The following B3GALT1 variants were observed in gnomAD, a reference collection of about 807,000 sequenced individuals.
B3GALT1 encodes beta-1,3-galactosyltransferase 1, also known as UDP-Gal:betaGlcNAc beta 1,3-galactosyltransferase, polypeptide 1.
In B3GALT1, 10 loss-of-function variants were observed where a neutral mutation model predicts 23.2. That is an observed-to-expected ratio of 0.43 (90% confidence interval 0.27 to 0.73). B3GALT1 has a LOEUF of 0.73. Among genes scored for constraint, B3GALT1 ranks in the 30% least tolerant of loss-of-function variants. The probability of loss-of-function intolerance (pLI) is 0.21; values close to 1 mark genes in which losing one functional copy is unlikely to be tolerated. For synonymous variants in B3GALT1, 156 were observed against 141.5 expected (o/e 1.10, Z -0.73); for missense variants, 299 against 405.4 (o/e 0.74, Z 2.25).
intron 3 of B3GALT1, among the ~76,000 whole-genome samples, chr2:167,676,516 T>TACACACACACACACACAC (rs34764364): frequency 6.9e-6 from 1 of 145,080 alleles, no homozygotes; most frequent in Admixed American, 6.9e-5. Flanking sequence ...TGTATGTTTA[T>TACACACACACACACACAC]ACACACACAC....
intron 1 of B3GALT1, among the ~76,000 whole-genome samples, chr2:167,415,091 G>T (rs1381634155): frequency 6.6e-6 from 1 of 152,186 alleles, no homozygotes; most frequent in Non-Finnish European, 1.5e-5. Flanking sequence ...CTCAGAGTGT[G>T]CTATGATTTG....
At chr2:167,521,614 T>G (rs1700189266) in intron 2 of B3GALT1, among the ~76,000 whole-genome samples, 1 of 152,136 alleles carries the variant, frequency 6.6e-6, no homozygotes, top group Non-Finnish European at 1.5e-5. Context: ...TTAAAATGTT[T>G]GAATGTGTAC....
intron 2 of B3GALT1, among the ~76,000 whole-genome samples, chr2:167,548,417 G>A (rs925078773): frequency 8.5e-5 from 13 of 152,158 alleles, no homozygotes; most frequent in African/African-American, 2.9e-4. Flanking sequence ...ATCTCAGTAT[G>A]GACACATGAC....
At chr2:167,704,023 T>C (rs1007441250) in intron 3 of B3GALT1, among the ~76,000 whole-genome samples, 2 of 151,536 alleles carry the variant, frequency 1.3e-5, no homozygotes, top group Non-Finnish European at 2.9e-5. Flanking sequence ...CTACTAAAAA[T>C]ACAAAAAATT....
At chr2:167,818,298 A>C (rs1309900846) in intron 3 of B3GALT1, among the ~76,000 whole-genome samples, 1 of 152,204 alleles carries the variant, frequency 6.6e-6, no homozygotes, top group Admixed American at 6.5e-5. Context: ...TTGTGGCATC[A>C]GTCAAAATCA....
chr2:167,524,505 T>C (rs1179211152), intron 2 of B3GALT1, among the ~76,000 whole-genome samples: 1 of 152,172 alleles, frequency 6.6e-6, no homozygotes, highest in Non-Finnish European at 1.5e-5. Context: ...GAATGTTTTG[T>C]AAAAATGTCA....
intron 1 of B3GALT1, among the ~76,000 whole-genome samples, chr2:167,483,973 C>T (rs1699591298): frequency 6.6e-6 from 1 of 152,184 alleles, no homozygotes; most frequent in African/African-American, 2.4e-5. Flanking sequence ...TTCAATGGAG[C>T]TATCTCCGTT....
intron 1 of B3GALT1, among the ~76,000 whole-genome samples, chr2:167,367,287 TTAAC>T (rs1253490202): frequency 1.3e-5 from 2 of 152,182 alleles, no homozygotes; most frequent in African/African-American, 4.8e-5. Context: ...ATAATGTAAC[TTAAC>T]TATTTTTTCC....
chr2:167,598,692 G>A (rs76042190), intron 2 of B3GALT1, among the ~76,000 whole-genome samples: 2,367 of 152,246 alleles, frequency 0.016, 76 homozygotes, highest in African/African-American at 0.055. Context: ...CTCATGTGAT[G>A]TGTCCAGTAT....
chr2:167,854,924 C>A (rs1689970557), intron 4 of B3GALT1, among the ~76,000 whole-genome samples: 1 of 152,158 alleles, frequency 6.6e-6, no homozygotes, highest in South Asian at 2.1e-4. Context: ...GAGCAGCTCA[C>A]CTGTCTCTCA....
intron 3 of B3GALT1, among the ~76,000 whole-genome samples, chr2:167,796,810 T>C (rs1688553206): frequency 6.6e-6 from 1 of 152,188 alleles, no homozygotes; most frequent in Admixed American, 6.5e-5. Context: ...TGTAATCAAA[T>C]ATTTTATCTT....
intron 1 of B3GALT1, among the ~76,000 whole-genome samples, chr2:167,382,576 A>T (rs1207455654): frequency 1.3e-5 from 2 of 152,196 alleles, no homozygotes; most frequent in Non-Finnish European, 2.9e-5. Flanking sequence ...TTAGAATGGA[A>T]ATCAGTACTT....
At chr2:167,601,010 G>A (rs568579046) in intron 2 of B3GALT1, among the ~76,000 whole-genome samples, 30 of 152,094 alleles carry the variant, frequency 2.0e-4, no homozygotes, top group South Asian at 4.2e-4. Flanking sequence ...TTATTATACC[G>A]TCAGAGTGTT....
chr2:167,544,735 C>T (rs894476738), intron 2 of B3GALT1, among the ~76,000 whole-genome samples: 20 of 152,292 alleles, frequency 1.3e-4, no homozygotes, highest in African/African-American at 4.6e-4. Flanking sequence ...ACTCCGCCGA[C>T]GTTGTCTGAC....
chr2:167,340,397 A>G (rs906353162), intron 1 of B3GALT1, among the ~76,000 whole-genome samples: 6 of 152,076 alleles, frequency 3.9e-5, no homozygotes, highest in Non-Finnish European at 7.4e-5. Flanking sequence ...AGGGACCTCT[A>G]AAGAACATGC....
chr2:167,384,125 C>T (rs1040730457), intron 1 of B3GALT1, among the ~76,000 whole-genome samples: 1 of 152,118 alleles, frequency 6.6e-6, no homozygotes, highest in African/African-American at 2.4e-5. Context: ...TAGCGAAAAA[C>T]CGTGATTCCT....
chr2:167,396,528 A>G (rs1698098782), intron 1 of B3GALT1, among the ~76,000 whole-genome samples: 1 of 75,192 alleles, frequency 1.3e-5, no homozygotes, highest in Non-Finnish European at 3.1e-5. Context: ...ATATATATAT[A>G]TATATATGTG....
intron 2 of B3GALT1, among the ~76,000 whole-genome samples, chr2:167,609,732 G>A (rs566847327): frequency 6.6e-6 from 1 of 152,236 alleles, no homozygotes; most frequent in South Asian, 2.1e-4. Context: ...CTGGCAAAGA[G>A]GATGGAATGC....
chr2:167,339,478 CATAATGA>C (rs1697114721), intron 1 of B3GALT1, among the ~76,000 whole-genome samples: 1 of 151,964 alleles, frequency 6.6e-6, no homozygotes, highest in African/African-American at 2.4e-5. Flanking sequence ...CTAAATCCAA[CATAATGA>C]ATAATTTGGA....
Sources: allele counts gnomAD v4.1 joint callset (sites outside exome capture counted in the v4.1 genomes callset), GRCh38; gene constraint gnomAD v4.1.1; transcripts MANE v1.5; gene names NCBI Gene and HGNC (gene_info 2026-07-23, HGNC 2026-07-21).